The following SHANK2 variants were observed in gnomAD, a reference collection of about 807,000 sequenced individuals.
SHANK2 encodes SH3 and multiple ankyrin repeat domains 2.
A neutral mutation model predicts 133.7 loss-of-function variants in SHANK2; 43 were observed. The observed-to-expected ratio is 0.32, with a 90% CI of 0.25 to 0.41. SHANK2 has a LOEUF of 0.41. Ranked by LOEUF, SHANK2 falls within the 10% of genes least tolerant of loss-of-function variation. The pLI is 1.00. For missense variants in SHANK2, 1,994 were observed against 2,235.8 expected (o/e 0.89, Z 2.18); for synonymous variants, 1,017 against 952.8 (o/e 1.07, Z -1.24).
At chr11:70,668,535 G>A (rs1375518884) in intron 15 of SHANK2, 2 of 152,306 alleles carry the variant, frequency 1.3e-5, no homozygotes, top group South Asian at 2.1e-4. Flanking sequence ...GCTGTGACAG[G>A]TAAGTGACTT....
chr11:70,481,968 C>A (rs1288333858), intron 25 of SHANK2, among the ~76,000 whole-genome samples: 3 of 152,352 alleles, frequency 2.0e-5, no homozygotes, highest in African/African-American at 7.2e-5. Context: ...TCCTGGACCC[C>A]CCCCCAGTGG....
At chr11:70,609,356 C>A (rs1206844643) in intron 17 of SHANK2, among the ~76,000 whole-genome samples, 2 of 152,180 alleles carry the variant, frequency 1.3e-5, no homozygotes, top group African/African-American at 2.4e-5. Context: ...AAATTAGAGA[C>A]CCCCAGAAAG....
At chr11:70,955,085 G>C (rs1465385630) in intron 10 of SHANK2, among the ~76,000 whole-genome samples, 1 of 152,172 alleles carries the variant, frequency 6.6e-6, no homozygotes, top group African/African-American at 2.4e-5. Flanking sequence ...TTTCATCCTT[G>C]TCCTTCCCTG....
chr11:70,571,210 C>T (rs2060041329), intron 17 of SHANK2: 1 of 152,314 alleles, frequency 6.6e-6, no homozygotes, highest in Non-Finnish European at 1.5e-5. Flanking sequence ...TGTGACTCTC[C>T]ATTGCCCTGC....
At chr11:70,636,772 ATC>A (rs782269861) in intron 17 of SHANK2, among the ~76,000 whole-genome samples, 7 of 136,206 alleles carry the variant, frequency 5.1e-5, no homozygotes, top group Non-Finnish European at 8.2e-5. Context: ...GTGTGTGAGC[ATC>A]TGTGTGAGCA....
At chr11:71,221,306 G>A (rs1190909567) in intron 2 of SHANK2, among the ~76,000 whole-genome samples, 12 of 152,086 alleles carry the variant, frequency 7.9e-5, no homozygotes, top group African/African-American at 2.9e-4. Flanking sequence ...AACAAGGAAT[G>A]AGCAGGATTG....
chr11:71,225,273 C>A (rs1954621203), intron 1 of SHANK2, among the ~76,000 whole-genome samples: 2 of 152,250 alleles, frequency 1.3e-5, no homozygotes, highest in Non-Finnish European at 1.5e-5. Flanking sequence ...CCACCCACAG[C>A]AGCAAAGGCC....
At chr11:71,073,182 A>C (rs1260807952) in intron 9 of SHANK2, among the ~76,000 whole-genome samples, 1 of 31,998 alleles carries the variant, frequency 3.1e-5, no homozygotes, top group Non-Finnish European at 8.1e-5. Flanking sequence ...TTTTTGAGAT[A>C]GAGTCTTGCT....
intron 3 of SHANK2, among the ~76,000 whole-genome samples, chr11:71,144,067 G>C (rs1196157239): frequency 6.6e-6 from 1 of 152,118 alleles, no homozygotes; most frequent in Non-Finnish European, 1.5e-5. Flanking sequence ...CATTGCAAAG[G>C]CAAATGATGG....
rs12362598 is a variant in SHANK2 at position 70,567,848 on chromosome 11, C to A, written c.2062-64917G>T. 6.2e-3 allele frequency among the ~76,000 whole-genome samples: 940 copies of A among 152,302 alleles called. 6 individuals carry two copies. Among genetic ancestry groups the A allele is most frequent in the Admixed American group, 0.012 (185 of 15,302 alleles). ...TGGTGCTTTGCTGGGGCAGCCCGAA[C>A]TAAGACAGATGCCACACCCTGGAAT... On this transcript the variant is annotated intron_variant, in intron 17 of 25. Transcript: ENST00000601538.
chr11:71,151,708 A>G (rs1167277258), intron 2 of SHANK2, among the ~76,000 whole-genome samples: 1 of 152,218 alleles, frequency 6.6e-6, no homozygotes, highest in Non-Finnish European at 1.5e-5. Context: ...CCCGCAGCTC[A>G]GAGCCCTGGC....
chr11:70,897,076 G>A (rs1949946897), intron 10 of SHANK2, among the ~76,000 whole-genome samples: 1 of 152,220 alleles, frequency 6.6e-6, no homozygotes, highest in African/African-American at 2.4e-5. Flanking sequence ...TGTATGCACA[G>A]CCAGATGAGT....
chr11:71,248,644 A>T (rs940433725), intron 1 of SHANK2, among the ~76,000 whole-genome samples: 4 of 152,300 alleles, frequency 2.6e-5, no homozygotes, highest in Non-Finnish European at 4.4e-5. Context: ...TGAGAGTCTC[A>T]CTACCTGCGC....
chr11:70,834,482 C>T (rs79720838), intron 11 of SHANK2, among the ~76,000 whole-genome samples: 4,631 of 152,276 alleles, frequency 0.03, 236 homozygotes, highest in African/African-American at 0.11. Flanking sequence ...CCTCAGCCAG[C>T]GGGGGCCAAG....
intron 2 of SHANK2, among the ~76,000 whole-genome samples, chr11:71,163,084 A>AC (rs1953054166): frequency 8.8e-6 from 1 of 113,478 alleles, no homozygotes; most frequent in Non-Finnish European, 1.9e-5. Context: ...AAAAAAAAAA[A>AC]AAAAAAAAAA....
At chr11:71,067,312 T>C (rs1951077722) in intron 9 of SHANK2, among the ~76,000 whole-genome samples, 1 of 152,180 alleles carries the variant, frequency 6.6e-6, no homozygotes, top group Admixed American at 6.5e-5. Flanking sequence ...GCAGACTGTT[T>C]TTTATTATTT....
At chr11:71,080,955 G>A (rs1447990644) in intron 8 of SHANK2, among the ~76,000 whole-genome samples, 2 of 152,206 alleles carry the variant, frequency 1.3e-5, no homozygotes, top group African/African-American at 4.8e-5. Flanking sequence ...TTTTGTTGGT[G>A]TTGCGGGCTG....
At chr11:71,147,454 T>C (rs1356727400) in intron 2 of SHANK2, 116 bp from the exon 3 acceptor site, 2 of 747,108 alleles carry the variant, frequency 2.7e-6, no homozygotes, top group Non-Finnish European at 3.9e-6. Flanking sequence ...ACAGTCTGTG[T>C]TTGTTGGTGT....
intron 2 of SHANK2, among the ~76,000 whole-genome samples, chr11:71,168,666 A>T (rs933482909): frequency 7.1e-4 from 108 of 152,300 alleles, no homozygotes; most frequent in African/African-American, 2.5e-3. Flanking sequence ...CCACCAAAAA[A>T]ATACGAAAAC....
Sources: allele counts gnomAD v4.1 joint callset (sites outside exome capture counted in the v4.1 genomes callset), GRCh38; gene constraint gnomAD v4.1.1; transcripts MANE v1.5; gene names NCBI Gene and HGNC (gene_info 2026-07-23, HGNC 2026-07-21).